Variants in UNC5D observed in about 807,000 individuals in gnomAD.
UNC5D encodes unc-5 netrin receptor D, also known as netrin receptor UNC5D.
UNC5D carries 39 observed loss-of-function variants against 105.4 expected under a neutral mutation model. That is an observed-to-expected ratio of 0.37 (90% confidence interval 0.29 to 0.48). UNC5D has a LOEUF of 0.48. Among genes scored for constraint, UNC5D ranks in the 20% least tolerant of loss-of-function variants. The pLI is 0.98. For synonymous variants in UNC5D, 452 were observed against 450.4 expected (o/e 1.00, Z -0.04); for missense variants, 991 against 1,202.4 (o/e 0.82, Z 2.60).
intron 1 of UNC5D, among the ~76,000 whole-genome samples, chr8:35,363,985 C>T (rs1022893474): frequency 6.6e-6 from 1 of 151,942 alleles, no homozygotes; most frequent in South Asian, 2.1e-4. Context: ...GAGTTTGAGA[C>T]CAGCCTGGCC....
chr8:35,555,875 GCACACACACACACACACA>G (rs56788274), intron 2 of UNC5D, among the ~76,000 whole-genome samples: 19 of 134,236 alleles, frequency 1.4e-4, no homozygotes, highest in East Asian at 9.0e-4. Context: ...TAAAAAAACA[GCACACACACACACACACA>G]CACACACACA....
At chr8:35,459,141 A>AG (rs1808705766) in intron 1 of UNC5D, among the ~76,000 whole-genome samples, 1 of 151,972 alleles carries the variant, frequency 6.6e-6, no homozygotes, top group Non-Finnish European at 1.5e-5. Context: ...TTGTGGTATG[A>AG]GGGGAAGAAG....
At chr8:35,676,405 G>T (rs1221411214) in intron 4 of UNC5D, among the ~76,000 whole-genome samples, 2 of 152,120 alleles carry the variant, frequency 1.3e-5, no homozygotes, top group Non-Finnish European at 2.9e-5. Flanking sequence ...AGGGGTGAAT[G>T]CCTCCAACAA....
At position 35,525,284 on chromosome 8, in the gene UNC5D, G is replaced by C. The variant is rs571061168; in HGVS notation, c.104-24008G>C. 1.8e-5 allele frequency: 29 copies of C among 1,612,180 alleles called. No homozygotes were observed. In the East Asian group the frequency reaches 6.5e-4, roughly 36 times the overall value. On this transcript the variant is annotated intron_variant, in intron 1 of 16. Transcript: ENST00000404895. ...GTTTTTCAACTATTTTGCGTACATG[G>C]CTCAGTGCACTCCCCTCTTTGCCTT...
chr8:35,480,929 T>C (rs1339360105), intron 1 of UNC5D, among the ~76,000 whole-genome samples: 1 of 152,140 alleles, frequency 6.6e-6, no homozygotes, highest in Non-Finnish European at 1.5e-5. Flanking sequence ...TGGATATGGA[T>C]GGCTTAAGAT....
intron 10 of UNC5D, chr8:35,727,504 C>T (rs1377231184): frequency 6.6e-6 from 1 of 152,142 alleles, no homozygotes; most frequent in Non-Finnish European, 1.5e-5. Context: ...CTGATTCTAC[C>T]ATTCTAGCTA....
intron 4 of UNC5D, among the ~76,000 whole-genome samples, chr8:35,636,281 A>G (rs936769230): frequency 6.6e-6 from 1 of 152,198 alleles, no homozygotes; most frequent in Non-Finnish European, 1.5e-5. Context: ...TCTGTCATAA[A>G]GGAGATGGTC....
At chr8:35,545,229 ACCT>A (rs1300395733) in intron 1 of UNC5D, among the ~76,000 whole-genome samples, 2 of 152,154 alleles carry the variant, frequency 1.3e-5, no homozygotes, top group Non-Finnish European at 2.9e-5. Flanking sequence ...AAAGTAAATG[ACCT>A]CCTCCCACCC....
intron 1 of UNC5D, among the ~76,000 whole-genome samples, chr8:35,327,474 A>G (rs561123195): frequency 1.3e-5 from 2 of 152,324 alleles, no homozygotes; most frequent in African/African-American, 2.4e-5. Flanking sequence ...AAAATATCAC[A>G]TAGTCCATAT....
chr8:35,302,395 C>T (rs926790040), intron 1 of UNC5D, among the ~76,000 whole-genome samples: 8 of 152,168 alleles, frequency 5.3e-5, no homozygotes, highest in African/African-American at 1.9e-4. Context: ...ACAAAATGAC[C>T]TTATCACCAA....
chr8:35,278,313 A>G (rs776541131), intron 1 of UNC5D, among the ~76,000 whole-genome samples: 7 of 152,178 alleles, frequency 4.6e-5, no homozygotes, highest in Non-Finnish European at 8.8e-5. Context: ...GATCACTTCC[A>G]CAACCTTCCC....
intron 1 of UNC5D, among the ~76,000 whole-genome samples, chr8:35,401,256 G>A (rs1490093303): frequency 6.6e-6 from 1 of 152,130 alleles, no homozygotes; most frequent in Non-Finnish European, 1.5e-5. Context: ...GACTGAGGTG[G>A]GAGGATTACC....
chr8:35,631,582 T>C (rs1442465937), intron 4 of UNC5D, among the ~76,000 whole-genome samples: 1 of 152,142 alleles, frequency 6.6e-6, no homozygotes, highest in Non-Finnish European at 1.5e-5. Flanking sequence ...CTTGGGAAAT[T>C]AGAGTTTATT....
Position 35,305,016 on chromosome 8 carries a change from A to G in UNC5D, c.103+69129A>G, listed in dbSNP as rs368953447. On this transcript the variant is annotated intron_variant, in intron 1 of 16. Coordinates refer to ENST00000404895, the MANE Select transcript of UNC5D (RefSeq NM_080872.4). ...TTATTTTAGGCTGAAGAATTGAAGCAGTGCCATTGATGATTTTTTTCCATG... is the reference window on the plus strand; with the variant it reads ...TTATTTTAGGCTGAAGAATTGAAGCGGTGCCATTGATGATTTTTTTCCATG... 1.9e-4 allele frequency among the ~76,000 whole-genome samples: 29 copies of G among 152,256 alleles called. 1 individual carries two copies. Among genetic ancestry groups the G allele is most frequent in the African/African-American group, 6.3e-4 (26 of 41,578 alleles).
intron 4 of UNC5D, among the ~76,000 whole-genome samples, chr8:35,650,326 G>A (rs999819922): frequency 6.6e-6 from 1 of 152,060 alleles, no homozygotes; most frequent in Non-Finnish European, 1.5e-5. Context: ...GTCATATACT[G>A]TGGGTGTCAG....
intron 1 of UNC5D, among the ~76,000 whole-genome samples, chr8:35,517,282 TG>T (rs1438805166): frequency 1.3e-5 from 2 of 152,198 alleles, no homozygotes; most frequent in Non-Finnish European, 2.9e-5. Context: ...TCAAAGAATT[TG>T]GGAACCAGGC....
chr8:35,325,209 A>G (rs908505197), intron 1 of UNC5D, among the ~76,000 whole-genome samples: 12 of 152,196 alleles, frequency 7.9e-5, no homozygotes, highest in African/African-American at 2.7e-4. Flanking sequence ...TTAATGGTTA[A>G]CCAGCTAACT....
chr8:35,415,660 G>C (rs1015932411), intron 1 of UNC5D, among the ~76,000 whole-genome samples: 3 of 152,062 alleles, frequency 2.0e-5, no homozygotes, highest in Non-Finnish European at 4.4e-5. Context: ...CAGCTACTTT[G>C]AATTTCTAGT....
chr8:35,550,887 A>G (rs777638600), intron 2 of UNC5D, among the ~76,000 whole-genome samples: 1 of 152,242 alleles, frequency 6.6e-6, no homozygotes, highest in Non-Finnish European at 1.5e-5. Flanking sequence ...GGTCACAAAC[A>G]TTAGTAAATG....
Sources: allele counts gnomAD v4.1 joint callset (sites outside exome capture counted in the v4.1 genomes callset), GRCh38; gene constraint gnomAD v4.1.1; transcripts MANE v1.5; gene names NCBI Gene and HGNC (gene_info 2026-07-23, HGNC 2026-07-21).